The following PDE4D variants were observed in gnomAD, a reference collection of about 807,000 sequenced individuals.
PDE4D encodes 3',5'-cyclic-AMP phosphodiesterase 4D.
Under a neutral mutation model 87.4 loss-of-function variants are expected in PDE4D, and 24 were observed. That is an observed-to-expected ratio of 0.27 (90% CI 0.20 to 0.39). The LOEUF (loss-of-function observed/expected upper bound fraction) is 0.39. PDE4D is among the 10% of genes least tolerant of loss of function. The probability of loss-of-function intolerance (pLI) is 1.00; values close to 1 mark genes in which losing one functional copy is unlikely to be tolerated. For missense variants in PDE4D, 714 were observed against 1,041.0 expected, an observed-to-expected ratio of 0.69 and a Z score of 4.32; for synonymous variants, 384 against 383.2, an observed-to-expected ratio of 1.00 and a Z score of -0.02.
At chr5:59,028,851 G>GTGTT (rs1258821836) in intron 6 of PDE4D, among the ~76,000 whole-genome samples, 2 of 152,144 alleles carry the variant, frequency 1.3e-5, no homozygotes, top group African/African-American at 4.8e-5. Flanking sequence ...AGTATGCCCA[G>GTGTT]TGTTAGTAAA....
intron 6 of PDE4D, among the ~76,000 whole-genome samples, chr5:59,031,656 C>T (rs1261875662): frequency 9.4e-5 from 12 of 128,080 alleles, no homozygotes; most frequent in Admixed American, 1.8e-4. Context: ...TGCAGTGAGC[C>T]GAGATCACAC....
At chr5:59,077,989 G>A (rs901724436) in intron 5 of PDE4D, among the ~76,000 whole-genome samples, 9 of 152,110 alleles carry the variant, frequency 5.9e-5, no homozygotes, top group East Asian at 1.9e-4. Context: ...GAGCAACCGC[G>A]CATCTGGTCA....
intron 6 of PDE4D, among the ~76,000 whole-genome samples, chr5:59,018,456 A>C: frequency 6.6e-6 from 1 of 152,210 alleles, no homozygotes; most frequent in East Asian, 1.9e-4. Context: ...GCTCTTTATA[A>C]ATTCCTTAAA....
At chr5:60,361,827 T>C (rs1207976434) in intron 1 of PDE4D, among the ~76,000 whole-genome samples, 4 of 152,206 alleles carry the variant, frequency 2.6e-5, no homozygotes, top group African/African-American at 9.6e-5. Flanking sequence ...AAATAAATTG[T>C]TGTTGTTTAA....
At chr5:59,887,378 T>A (rs563480215) in intron 1 of PDE4D, among the ~76,000 whole-genome samples, 22 of 152,178 alleles carry the variant, frequency 1.4e-4, no homozygotes, top group Non-Finnish European at 2.8e-4. Flanking sequence ...TAAACGTAGA[T>A]AAAATGTTCC....
At chr5:59,111,366 G>A (rs1022514124) in intron 5 of PDE4D, among the ~76,000 whole-genome samples, 2 of 152,114 alleles carry the variant, frequency 1.3e-5, no homozygotes, top group African/African-American at 4.8e-5. Context: ...TTGCAGAATG[G>A]TCAACAAAAT....
chr5:60,455,862 T>C lies in PDE4D; in HGVS notation c.-90+32080A>G, dbSNP rs1746430842. ...AGTTACTCAAAGTAGTGCCTGCACT[T>C]CGTAGTCAATGTGTTGACTGCTTTA... is the stretch of plus-strand genomic sequence containing the variant. On this transcript the variant is annotated intron_variant, in intron 1 of 16. Coordinates refer to the PDE4D transcript ENST00000502484. Among the ~76,000 whole-genome samples, 5 of 152,294 alleles carry C rather than the reference T, an allele frequency of 3.3e-5. 1 individual carries two copies. In the South Asian group the frequency reaches 1.0e-3, roughly 32 times the overall value.
chr5:60,314,682 T>A (rs754963126), intron 1 of PDE4D, among the ~76,000 whole-genome samples: 4 of 150,570 alleles, frequency 2.7e-5, no homozygotes, highest in Non-Finnish European at 5.9e-5. Flanking sequence ...TTTCCCTTCC[T>A]GTGTCCATGT....
At chr5:59,949,937 CA>C (rs1308762516) in intron 3 of PDE4D, among the ~76,000 whole-genome samples, 2 of 152,044 alleles carry the variant, frequency 1.3e-5, no homozygotes, top group Non-Finnish European at 2.9e-5. Flanking sequence ...GATTATAACA[CA>C]AAAGTTATGT....
intron 3 of PDE4D, among the ~76,000 whole-genome samples, chr5:59,953,989 G>A (rs538786456): frequency 5.3e-5 from 8 of 152,214 alleles, no homozygotes; most frequent in African/African-American, 1.9e-4. Flanking sequence ...GCGATGGCAC[G>A]ATCTCAGCTC....
At chr5:59,677,554 A>G (rs1018231567) in intron 1 of PDE4D, among the ~76,000 whole-genome samples, 6 of 152,200 alleles carry the variant, frequency 3.9e-5, no homozygotes, top group African/African-American at 1.4e-4. Flanking sequence ...TCTCCAAATC[A>G]TAAGTTATAA....
At chr5:60,059,902 CTG>C (rs1771206711) in intron 2 of PDE4D, among the ~76,000 whole-genome samples, 1 of 151,938 alleles carries the variant, frequency 6.6e-6, no homozygotes, top group East Asian at 1.9e-4. Flanking sequence ...CCCAGGAAAA[CTG>C]TTAATTCATA....
intron 1 of PDE4D, among the ~76,000 whole-genome samples, chr5:59,579,005 A>G (rs2153699171): frequency 6.6e-6 from 1 of 152,018 alleles, no homozygotes; most frequent in South Asian, 2.1e-4. Context: ...AGTTTGCACA[A>G]CTTTTCTCTG....
At chr5:59,018,126 C>T (rs1754406867) in intron 6 of PDE4D, among the ~76,000 whole-genome samples, 1 of 152,302 alleles carries the variant, frequency 6.6e-6, no homozygotes, top group South Asian at 2.1e-4. Context: ...AACACTGAAA[C>T]TTGTTATAAG....
In PDE4D at chr5:59,465,008, T is replaced by C. The variant is rs143547986; in HGVS notation, c.456-249040A>G. On this transcript the variant is annotated intron_variant, in intron 1 of 14. Coordinates refer to ENST00000340635, the MANE Select transcript of PDE4D (RefSeq NM_001104631.2). ...TTAAGAGCGGTAGCAGTCCCTGCAC[T>C]GAATCACACACATCCATTAAGCTTT... Among the ~76,000 whole-genome samples, 12 of 152,326 alleles carry C rather than the reference T, an allele frequency of 7.9e-5. No individual in the cohort carries two copies. The East Asian group carries it at 2.3e-3, about 29-fold the overall frequency.
chr5:59,212,530 A>C lies in PDE4D; in HGVS notation c.647+3247T>G. 1.3e-5 allele frequency among the ~76,000 whole-genome samples: 2 copies of C among 152,108 alleles called. 1 individual carries two copies. Among genetic ancestry groups the C allele is most frequent in the East Asian group, 3.9e-4 (2 of 5,182 alleles). On this transcript the variant is annotated intron_variant, in intron 2 of 14. Transcript: ENST00000340635. Reference sequence around the variant, plus strand: ...AAGAACTCTTGAGGCACACAGCAAAATGAGGTATCCTTGCAAGTTTGATTT... The same window carrying C: ...AAGAACTCTTGAGGCACACAGCAAACTGAGGTATCCTTGCAAGTTTGATTT...
chr5:59,597,440 T>C (rs1390085178), intron 1 of PDE4D, among the ~76,000 whole-genome samples: 1 of 152,078 alleles, frequency 6.6e-6, no homozygotes, highest in African/African-American at 2.4e-5. Context: ...ATCAAAATAC[T>C]AGCTTCTCAT....
chr5:60,114,722 T>C (rs1275167460), intron 2 of PDE4D, among the ~76,000 whole-genome samples: 1 of 152,064 alleles, frequency 6.6e-6, no homozygotes, highest in African/African-American at 2.4e-5. Flanking sequence ...ATCATCACTT[T>C]GCTTGTTAAA....
chr5:59,962,089 G>A (rs969749158), intron 3 of PDE4D, among the ~76,000 whole-genome samples: 4 of 152,044 alleles, frequency 2.6e-5, no homozygotes, highest in Non-Finnish European at 4.4e-5. Context: ...AAATGAATAA[G>A]AAAATTTCAA....
Sources: gnomAD v4.1 joint callset for allele counts (sites outside exome capture counted in the v4.1 genomes callset) on GRCh38, gnomAD v4.1.1 for gene constraint, MANE v1.5 for transcripts, NCBI Gene and HGNC (gene_info 2026-07-23, HGNC 2026-07-21) for gene names.